Variants in RUSC2 observed in about 807,000 individuals in gnomAD.
RUSC2 encodes the protein AP-4 complex accessory subunit RUSC2.
In RUSC2, 34 loss-of-function variants were observed where a neutral mutation model predicts 122.2. The ratio of observed to expected loss-of-function variants is 0.28; its 90% confidence interval spans 0.21 to 0.37. RUSC2 has a LOEUF of 0.37. Ranked by LOEUF, RUSC2 falls within the 10% of genes least tolerant of loss-of-function variation. The pLI is 1.00. For missense variants in RUSC2, 1,747 were observed against 1,952.4 expected, an observed-to-expected ratio of 0.89 and a Z score of 1.98; for synonymous variants, 784 against 790.0, an observed-to-expected ratio of 0.99 and a Z score of 0.13.
At chr9:35,506,774 A>G (rs1175877194) in intron 1 of RUSC2, among the ~76,000 whole-genome samples, 2 of 152,206 alleles carry the variant, frequency 1.3e-5, no homozygotes, top group Non-Finnish European at 1.5e-5. Context: ...CAAGCTGAAC[A>G]TGATCTAAAG....
chr9:35,513,190 T>TTG (rs1821040609), intron 1 of RUSC2, among the ~76,000 whole-genome samples: 2 of 149,654 alleles, frequency 1.3e-5, no homozygotes, highest in Non-Finnish European at 1.5e-5. Context: ...TATACTTTGT[T>TTG]TTGTTGTTGT....
intron 1 of RUSC2, among the ~76,000 whole-genome samples, chr9:35,494,070 C>G (rs1016595902): frequency 2.7e-5 from 4 of 150,806 alleles, no homozygotes; most frequent in African/African-American, 9.7e-5. Flanking sequence ...CCACTGTTTT[C>G]CACAGTGGCT....
Position 35,560,592 on chromosome 9 carries a change from C to G in RUSC2, c.3952C>G (p.Arg1318Gly). The change falls in exon 10 of 12, where the codon CGA becomes GGA. Residue 1318 changes from arginine (R) to glycine (G), a missense_variant. Physicochemically the swap from Arg to Gly is moderately radical, Grantham distance 125. Coordinates refer to ENST00000361226, the MANE Select transcript of RUSC2 (RefSeq NM_014806.5). ...GGGACCTCCCCAGGCTCCACCACCC[C>G]GAGAGGGAGTAGTGGAGGGGGCTGA... Reference protein sequence around the residue: ...GGGPPQAPPPREGVVEGAEAC... With the variant: ...GGGPPQAPPPGEGVVEGAEAC... 6.2e-7 allele frequency: 1 copy of G among 1,613,532 alleles called. No individual in the cohort carries two copies. The highest frequency in any genetic ancestry group is 8.5e-7 in the Non-Finnish European group (1 of 1,179,730).
intron 1 of RUSC2, among the ~76,000 whole-genome samples, chr9:35,492,948 T>G (rs895850280): frequency 5.3e-5 from 8 of 152,158 alleles, no homozygotes; most frequent in African/African-American, 1.7e-4. Flanking sequence ...TGTGACTGGT[T>G]TATTTCGGTT....
intron 8 of RUSC2, among the ~76,000 whole-genome samples, chr9:35,559,015 C>G (rs991811818): frequency 1.3e-5 from 2 of 152,270 alleles, no homozygotes; most frequent in Non-Finnish European, 2.9e-5. Flanking sequence ...CTACTGCAGG[C>G]TGACTCCACT....
chr9:35,560,112 C>T lies in RUSC2; in HGVS notation c.3472C>T (p.Leu1158=). 1 of 1,613,098 alleles carries T rather than the reference C, an allele frequency of 6.2e-7. No individual in the cohort carries two copies. Among genetic ancestry groups the T allele is most frequent in the East Asian group, 2.2e-5 (1 of 44,888 alleles). Residue 1158 remains leucine (L), a synonymous_variant, in exon 10 of 12, where the codon CTG becomes TTG. Coordinates refer to ENST00000361226, the MANE Select transcript of RUSC2 (RefSeq NM_014806.5). ...VCPGLFEELL[L]LLQPLALLPF... Reference sequence around the variant, plus strand: ...TCCCGGCCTCTTTGAAGAGCTGCTGCTGCTGCTACAGCCCCTGGCCCTGCT... The same window carrying T: ...TCCCGGCCTCTTTGAAGAGCTGCTGTTGCTGCTACAGCCCCTGGCCCTGCT...
intron 1 of RUSC2, among the ~76,000 whole-genome samples, chr9:35,541,807 A>G (rs1053163837): frequency 6.6e-6 from 1 of 152,092 alleles, no homozygotes; most frequent in African/African-American, 2.4e-5. Flanking sequence ...CCTGAGTCTC[A>G]TCTTAATTCT....
At chr9:35,495,806 C>T (rs539482407) in intron 1 of RUSC2, among the ~76,000 whole-genome samples, 42 of 152,196 alleles carry the variant, frequency 2.8e-4, no homozygotes, top group African/African-American at 1.0e-3. Flanking sequence ...TCATGATCAC[C>T]AGATGTTTTT....
intron 1 of RUSC2, among the ~76,000 whole-genome samples, chr9:35,541,420 T>C (rs868611371): frequency 1.1e-4 from 16 of 151,836 alleles, no homozygotes; most frequent in African/African-American, 3.6e-4. Context: ...CAGTAAATGT[T>C]CTCTGTGGTG....
rs535366570 is a variant in RUSC2 at position 35,502,379 on chromosome 9, A to G, written c.-93+12207A>G. ...GTCTAAGAGTGTGGGATATATCACC[A>G]TGGGTTTTCTTCCTCTAGAGATTAG... On this transcript the variant is annotated intron_variant, in intron 1 of 11. Transcript: ENST00000361226. Among the ~76,000 whole-genome samples the G allele has an allele frequency of 3.3e-5, 5 of 152,286 alleles. No individual in the cohort carries two copies. In the South Asian group the frequency reaches 1.0e-3, roughly 32 times the overall value.
At chr9:35,513,230 T>C (rs917941412) in intron 1 of RUSC2, among the ~76,000 whole-genome samples, 64 of 147,718 alleles carry the variant, frequency 4.3e-4, no homozygotes, top group African/African-American at 1.6e-3. Flanking sequence ...GTTGTTGTTG[T>C]TGCTTGAGAC....
chr9:35,525,811 G>A (rs1821315761), intron 1 of RUSC2, among the ~76,000 whole-genome samples: 3 of 152,204 alleles, frequency 2.0e-5, no homozygotes, highest in Admixed American at 2.0e-4. Flanking sequence ...TAGGCCAGGT[G>A]TGGTGGCTTC....
intron 1 of RUSC2, among the ~76,000 whole-genome samples, chr9:35,537,013 G>A (rs778245781): frequency 6.6e-5 from 10 of 152,082 alleles, no homozygotes; most frequent in Non-Finnish European, 1.0e-4. Context: ...CTAGTTAGGT[G>A]GCCGAGGTTT....
intron 1 of RUSC2, among the ~76,000 whole-genome samples, chr9:35,524,008 A>G (rs898313007): frequency 2.6e-5 from 4 of 151,930 alleles, no homozygotes; most frequent in Admixed American, 2.0e-4. Flanking sequence ...CAACTAATCA[A>G]TGTAGAAGGA....
At chr9:35,516,387 T>C (rs1821107582) in intron 1 of RUSC2, among the ~76,000 whole-genome samples, 1 of 151,706 alleles carries the variant, frequency 6.6e-6, no homozygotes, top group Non-Finnish European at 1.5e-5. Flanking sequence ...ACATATAGAA[T>C]GGGGAGTGAG....
At chr9:35,533,463 C>T (rs1013112421) in intron 1 of RUSC2, among the ~76,000 whole-genome samples, 1 of 152,164 alleles carries the variant, frequency 6.6e-6, no homozygotes, top group Admixed American at 6.5e-5. Context: ...TTTTTAACAG[C>T]TTTATTGAAA....
chr9:35,523,854 G>A (rs545252503), intron 1 of RUSC2, among the ~76,000 whole-genome samples: 1 of 151,670 alleles, frequency 6.6e-6, no homozygotes, highest in African/African-American at 2.4e-5. Flanking sequence ...AAGCCAAATA[G>A]TGCCAAATCT....
At chr9:35,493,913 A>G (rs1445872155) in intron 1 of RUSC2, among the ~76,000 whole-genome samples, 2 of 152,134 alleles carry the variant, frequency 1.3e-5, no homozygotes, top group African/African-American at 4.8e-5. Context: ...TTTGGCTATT[A>G]TGAAAAATGC....
intron 1 of RUSC2, among the ~76,000 whole-genome samples, chr9:35,512,483 C>G (rs902815005): frequency 1.3e-5 from 2 of 152,048 alleles, no homozygotes; most frequent in African/African-American, 4.8e-5. Flanking sequence ...ACCTGTTCTC[C>G]CAGTACAGGT....
Sources: gnomAD v4.1 joint callset for allele counts (sites outside exome capture counted in the v4.1 genomes callset) on GRCh38, gnomAD v4.1.1 for gene constraint, MANE v1.5 for transcripts, NCBI Gene and HGNC (gene_info 2026-07-23, HGNC 2026-07-21) for gene names.